Variants in ABHD3 observed in about 807,000 individuals in gnomAD.
The protein encoded by ABHD3 is phospholipase ABHD3.
A neutral mutation model predicts 48.8 loss-of-function variants in ABHD3; 46 were observed. That is an observed-to-expected ratio of 0.94 (90% CI 0.74 to 1.20). ABHD3 has a LOEUF of 1.20. Among genes scored for constraint, ABHD3 ranks in the 50% most tolerant of loss-of-function variants. The pLI, the probability that ABHD3 is intolerant of heterozygous loss-of-function variation, is 0.00. For synonymous variants in ABHD3, 192 were observed against 183.7 expected (o/e 1.04, Z -0.36); for missense variants, 490 against 497.8 (o/e 0.98, Z 0.15).
In ABHD3 at chr18:21,664,048, G is replaced by A. The variant is rs1216857271; in HGVS notation, c.668+70C>T. On this transcript the variant is annotated intron_variant, in intron 5 of 8. Coordinates refer to ENST00000289119, the MANE Select transcript of ABHD3 (RefSeq NM_138340.5). ...AAAGTGTCCATACAGCTAGCTTATA[G>A]TCCTCTCAAAGAGACAGCCAATAAA... 3.9e-6 allele frequency: 6 copies of A among 1,521,720 alleles called. No homozygotes were observed. The African/African-American group carries it at 8.4e-5, about 21-fold the overall frequency. 94.3% of individuals were successfully genotyped at this position (1,521,720 alleles called of 1,614,324 possible).
chr18:21,702,648 A>G (rs867219405), intron 2 of ABHD3, 150 bp from the exon 3 acceptor site: 3 of 629,212 alleles, frequency 4.8e-6, no homozygotes, highest in East Asian at 3.1e-5. Flanking sequence ...TCTACATATC[A>G]TTTTCTTTCA....
At chr18:21,664,921 C>A (rs1170504788) in intron 4 of ABHD3, among the ~76,000 whole-genome samples, 1 of 152,152 alleles carries the variant, frequency 6.6e-6, no homozygotes, top group Admixed American at 6.6e-5. Flanking sequence ...AGGTGTGAGC[C>A]TGTGCCTGGC....
chr18:21,652,319 C>A (rs1304428918), intron 8 of ABHD3, among the ~76,000 whole-genome samples: 1 of 150,148 alleles, frequency 6.7e-6, no homozygotes, highest in Non-Finnish European at 1.5e-5. Flanking sequence ...ATAGTGAGAC[C>A]CCATCTTGAA....
In ABHD3 at chr18:21,704,539, C is replaced by G; in HGVS notation, c.127G>C (p.Ala43Pro). The change falls in exon 1 of 9, where the codon GCT becomes CCT. Residue 43 changes from alanine (A) to proline (P), a missense_variant. Transcript: ENST00000289119. ...CTGCTCAGGTAGTAGAAGGCATAAG[C>G]GACGCTGAAGCCCAGGATAAGGGAT... ...GLSLILGFSV[A>P]YAFYYLSSIA... The G allele has an allele frequency of 6.6e-7, 1 of 1,511,980 alleles. No homozygotes were observed. The highest frequency in any genetic ancestry group is 8.8e-7 in the Non-Finnish European group (1 of 1,130,046). The allele number at this position is 1,511,980 out of a possible 1,614,324, so 93.7% of individuals were successfully genotyped here.
Position 21,690,859 on chromosome 18 carries a change from G to A in ABHD3, c.510-6894C>T, listed in dbSNP as rs934297673. ...AAAGTACAAAAATTAGCCTGGTGTG[G>A]TGGTGGGTGCCTGTAATCTCAGCTA... is the stretch of plus-strand genomic sequence containing the variant. On this transcript the variant is annotated intron_variant, in intron 3 of 8. Coordinates refer to ENST00000289119, the MANE Select transcript of ABHD3 (RefSeq NM_138340.5). Among the ~76,000 whole-genome samples, 5 of 152,070 alleles carry A rather than the reference G, an allele frequency of 3.3e-5. 1 individual carries two copies.
chr18:21,677,969 T>C (rs1182890959), intron 4 of ABHD3, among the ~76,000 whole-genome samples: 2 of 151,902 alleles, frequency 1.3e-5, no homozygotes, highest in South Asian at 2.1e-4. Context: ...AACCTATTTT[T>C]ATTTTTTAGA....
intron 6 of ABHD3, among the ~76,000 whole-genome samples, chr18:21,657,636 C>T (rs956355211): frequency 6.6e-6 from 1 of 152,066 alleles, no homozygotes; most frequent in Non-Finnish European, 1.5e-5. Context: ...AAGCATGAGC[C>T]ACCTTGCCTG....
At chr18:21,694,102 T>C (rs1004658615) in intron 3 of ABHD3, among the ~76,000 whole-genome samples, 5 of 152,200 alleles carry the variant, frequency 3.3e-5, no homozygotes, top group African/African-American at 1.2e-4. Context: ...CACATTTTTT[T>C]TTAAAATTTA....
intron 4 of ABHD3, among the ~76,000 whole-genome samples, chr18:21,668,663 C>T (rs1462635082): frequency 2.6e-5 from 4 of 152,170 alleles, no homozygotes; most frequent in Non-Finnish European, 4.4e-5. Context: ...TCTTGTAAAG[C>T]ACCAGGGTTC....
Position 21,704,589 on chromosome 18 carries a change from C to T in ABHD3, c.77G>A (p.Gly26Glu). 1 of 1,552,440 alleles carries T rather than the reference C, an allele frequency of 6.4e-7. No individual in the cohort carries two copies. Among genetic ancestry groups the T allele is most frequent in the Non-Finnish European group, 8.7e-7 (1 of 1,152,208 alleles). Residue 26 changes from glycine to glutamate, a missense_variant, in exon 1 of 9, where the codon GGG (glycine) becomes GAG (glutamate). Gly to Glu is a moderately conservative substitution (Grantham distance 98). Coordinates refer to ENST00000289119, the MANE Select transcript of ABHD3 (RefSeq NM_138340.5). Reference protein sequence around the residue: ...SLYLEHQVRVGFFGSGVGLSL... With the variant: ...SLYLEHQVRVEFFGSGVGLSL... ...TAAGCCCACCCCCGAGCCGAAGAAC[C>T]CCACCCGGACTTGGTGTTCCAGGTA...
At chr18:21,656,302 G>A (rs894096324) in intron 8 of ABHD3, among the ~76,000 whole-genome samples, 2 of 152,046 alleles carry the variant, frequency 1.3e-5, no homozygotes, top group Admixed American at 6.6e-5. Context: ...AGCCTCCCAA[G>A]TATCTGGGAC....
chr18:21,703,836 C>T (rs2040571715), intron 1 of ABHD3, 89 bp from the exon 2 acceptor site: 2 of 1,442,356 alleles, frequency 1.4e-6, no homozygotes, highest in Non-Finnish European at 1.9e-6. Flanking sequence ...GTCGCTCGCG[C>T]GCGCGCTTCC....
chr18:21,694,473 G>A (rs1362213437), intron 3 of ABHD3, among the ~76,000 whole-genome samples: 3 of 152,170 alleles, frequency 2.0e-5, no homozygotes, highest in Non-Finnish European at 4.4e-5. Flanking sequence ...TATAAATGAT[G>A]AACGGTGACA....
At position 21,704,700 on chromosome 18, in the gene ABHD3, G is replaced by A. The variant is rs770728465; in HGVS notation, c.-35C>T. 1.2e-4 allele frequency: 166 copies of A among 1,382,186 alleles called. No homozygotes were observed. Among genetic ancestry groups the A allele is most frequent in the Non-Finnish European group, 1.5e-4 (158 of 1,072,486 alleles). The allele number at this position is 1,382,186 out of a possible 1,614,324, so 85.6% of individuals were successfully genotyped here. A position where few individuals can be genotyped will look rare whatever the true frequency, so the allele number is the denominator to read the frequency against. On this transcript the variant is annotated 5_prime_UTR_variant, in exon 1 of 9. Coordinates refer to ENST00000289119, the MANE Select transcript of ABHD3 (RefSeq NM_138340.5). ...GCGCGGCGCGCGGGTCCTGCGGCGG[G>A]AGGAGAGCCGGCTGGCGAGCGGGCG...
intron 4 of ABHD3, 90 bp downstream of exon 4, chr18:21,683,830 T>A (rs2040064358): frequency 7.8e-7 from 1 of 1,289,238 alleles, no homozygotes; most frequent in Admixed American, 2.6e-5. Context: ...ATAAACAGAG[T>A]TATTTTAAAT....
At chr18:21,663,635 T>C (rs1337465895) in intron 5 of ABHD3, 1 of 1,526,238 alleles carries the variant, frequency 6.6e-7, no homozygotes, top group Non-Finnish European at 8.8e-7. Context: ...TCCACAGTAG[T>C]TCCATTTGCC....
At chr18:21,689,921 C>A (rs1217214112) in intron 3 of ABHD3, among the ~76,000 whole-genome samples, 1 of 152,128 alleles carries the variant, frequency 6.6e-6, no homozygotes, top group Non-Finnish European at 1.5e-5. Flanking sequence ...AGAGTCTCTA[C>A]AATGGATCAC....
intron 8 of ABHD3, among the ~76,000 whole-genome samples, chr18:21,652,233 T>C (rs968280678): frequency 6.6e-6 from 1 of 151,936 alleles, no homozygotes; most frequent in Non-Finnish European, 1.5e-5. Flanking sequence ...TGGCTCATGC[T>C]TGTAATCCTA....
intron 3 of ABHD3, among the ~76,000 whole-genome samples, chr18:21,695,543 G>A (rs1278763405): frequency 2.0e-5 from 3 of 151,882 alleles, no homozygotes; most frequent in African/African-American, 7.2e-5. Flanking sequence ...TGGTGCAAAA[G>A]TAATTGGGGT....
Sources: gnomAD v4.1 joint callset for allele counts (sites outside exome capture counted in the v4.1 genomes callset) on GRCh38, gnomAD v4.1.1 for gene constraint, MANE v1.5 for transcripts, NCBI Gene and HGNC (gene_info 2026-07-23, HGNC 2026-07-21) for gene names.